SEMA3C: variants seen among roughly 807,000 people sequenced by gnomAD.
The protein encoded by SEMA3C is semaphorin-3C.
Under a neutral mutation model 89.4 loss-of-function variants are expected in SEMA3C, and 47 were observed. The ratio of observed to expected loss-of-function variants is 0.53; its 90% CI spans 0.42 to 0.67. The LOEUF is 0.67. Ranked by LOEUF, SEMA3C falls within the 30% of genes least tolerant of loss-of-function variation. SEMA3C has a pLI of 0.00. For missense variants in SEMA3C, 839 were observed against 929.1 expected (o/e 0.90, Z 1.26); for synonymous variants, 310 against 320.2 (o/e 0.97, Z 0.34).
At chr7:80,783,786 A>G (rs1788741462) in intron 12 of SEMA3C, among the ~76,000 whole-genome samples, 1 of 152,194 alleles carries the variant, frequency 6.6e-6, no homozygotes, top group Admixed American at 6.5e-5. Context: ...TTATTCACAT[A>G]TGTGACACAC....
intron 2 of SEMA3C, among the ~76,000 whole-genome samples, chr7:80,914,375 A>T (rs1792222292): frequency 6.7e-6 from 1 of 150,132 alleles, no homozygotes; most frequent in African/African-American, 2.4e-5. Context: ...AAATAATAAT[A>T]AATTTGAACA....
chr7:80,765,733 C>T (rs931346033), intron 12 of SEMA3C, among the ~76,000 whole-genome samples: 31 of 152,128 alleles, frequency 2.0e-4, no homozygotes, highest in African/African-American at 5.3e-4. Flanking sequence ...CCCGCCACCA[C>T]GCCTGGCTAA....
intron 4 of SEMA3C, among the ~76,000 whole-genome samples, chr7:80,819,764 A>T (rs1296000399): frequency 6.6e-6 from 1 of 152,194 alleles, no homozygotes. Context: ...ACCTTGCTGG[A>T]GCACAGAAAC....
At chr7:80,778,072 A>T (rs1052236974) in intron 12 of SEMA3C, among the ~76,000 whole-genome samples, 1 of 152,190 alleles carries the variant, frequency 6.6e-6, no homozygotes, top group African/African-American at 2.4e-5. Context: ...GGGTTAAAAA[A>T]ACCCCCATAA....
chr7:80,890,560 T>G (rs1383355174), intron 2 of SEMA3C, among the ~76,000 whole-genome samples: 2 of 152,162 alleles, frequency 1.3e-5, no homozygotes, highest in Non-Finnish European at 2.9e-5. Context: ...ACTTTCTACT[T>G]TTTAAATCTA....
chr7:80,834,311 T>C (rs1473924483), intron 2 of SEMA3C, among the ~76,000 whole-genome samples: 1 of 152,172 alleles, frequency 6.6e-6, no homozygotes, highest in Non-Finnish European at 1.5e-5. Flanking sequence ...TAAAATTTGC[T>C]GCACAATATG....
chr7:80,771,736 T>C (rs1332941323), intron 12 of SEMA3C, among the ~76,000 whole-genome samples: 29 of 152,244 alleles, frequency 1.9e-4, no homozygotes, highest in Admixed American at 1.8e-3. Context: ...TGCTTTCCCC[T>C]GCGCTTCTGA....
At chr7:80,830,983 C>G (rs1470912653) in intron 2 of SEMA3C, among the ~76,000 whole-genome samples, 1 of 152,158 alleles carries the variant, frequency 6.6e-6, no homozygotes, top group African/African-American at 2.4e-5. Flanking sequence ...TTGGAGAGGA[C>G]ACAGACTGCC....
At chr7:80,767,226 C>T (rs543881548) in intron 12 of SEMA3C, among the ~76,000 whole-genome samples, 31 of 152,180 alleles carry the variant, frequency 2.0e-4, no homozygotes, top group African/African-American at 7.2e-4. Flanking sequence ...TGCTGCAGAC[C>T]CATACAAATT....
intron 14 of SEMA3C, 128 bp downstream of exon 14, chr7:80,761,488 G>C: frequency 2.0e-6 from 1 of 493,478 alleles, no homozygotes; most frequent in Non-Finnish European, 3.6e-6. Context: ...TGACTTTGCG[G>C]TATACTTTAA....
In SEMA3C at chr7:80,818,427, A is replaced by G; in HGVS notation, c.328-9T>C. On this transcript the variant is annotated splice_polypyrimidine_tract_variant and intron_variant, in intron 4 of 17. Coordinates refer to ENST00000265361, the MANE Select transcript of SEMA3C (RefSeq NM_006379.5). The stretch of plus-strand genomic sequence containing the variant: ...AAGTTCCCACAGCCGTGCTAAAAGA[A>G]TCAGTAAATAAGCAGTTAGTAACTC... The G allele has an allele frequency of 6.2e-7, 1 of 1,610,992 alleles. No homozygotes were observed. The highest frequency in any genetic ancestry group is 8.5e-7 in the Non-Finnish European group (1 of 1,177,538).
At chr7:80,803,966 AATG>A (rs1304942510) in intron 8 of SEMA3C, 137 bp downstream of exon 8, 10 of 727,466 alleles carry the variant, frequency 1.4e-5, no homozygotes, top group Non-Finnish European at 1.6e-5. Context: ...TAAATATAAT[AATG>A]ATGATGAATA....
chr7:80,795,762 C>A (rs1789049538), intron 11 of SEMA3C, among the ~76,000 whole-genome samples: 1 of 152,056 alleles, frequency 6.6e-6, no homozygotes, highest in Non-Finnish European at 1.5e-5. Context: ...GGGTGAAGAG[C>A]CTGATGAGAG....
Position 80,907,588 on chromosome 7 carries a change from G to T in SEMA3C, c.103+9091C>A, listed in dbSNP as rs115427049. ...TTGTTTTTATAAACAATCTATAAGG[G>T]TGGTTCTATTTAATGTCAGATTCCT... On this transcript the variant is annotated intron_variant, in intron 2 of 17. Coordinates refer to ENST00000265361, the MANE Select transcript of SEMA3C (RefSeq NM_006379.5). Among the ~76,000 whole-genome samples the T allele has an allele frequency of 7.0e-3, 1,058 of 152,020 alleles. 14 individuals carry two copies. The highest frequency in any genetic ancestry group is 0.023 in the African/African-American group (972 of 41,476).
At chr7:80,911,797 C>A (rs921321195) in intron 2 of SEMA3C, among the ~76,000 whole-genome samples, 1 of 151,862 alleles carries the variant, frequency 6.6e-6, no homozygotes, top group Non-Finnish European at 1.5e-5. Context: ...CCATGCCTGG[C>A]TAATTTTTTG....
chr7:80,902,239 C>T (rs1214891538), intron 2 of SEMA3C, among the ~76,000 whole-genome samples: 1 of 152,170 alleles, frequency 6.6e-6, no homozygotes, highest in African/African-American at 2.4e-5. Flanking sequence ...AGGTGTGAGT[C>T]ACTGCACCTG....
chr7:80,785,459 A>T (rs1181236032), intron 12 of SEMA3C, among the ~76,000 whole-genome samples: 1 of 152,172 alleles, frequency 6.6e-6, no homozygotes, highest in East Asian at 1.9e-4. Context: ...TAACAGCTGA[A>T]GGGCTGTCTG....
At chr7:80,754,743 G>A (rs1306363067) in intron 15 of SEMA3C, among the ~76,000 whole-genome samples, 2 of 151,826 alleles carry the variant, frequency 1.3e-5, no homozygotes, top group Non-Finnish European at 2.9e-5. Flanking sequence ...CAGAATTAAG[G>A]CACTGCTGGA....
chr7:80,744,718 T>C lies in SEMA3C; in HGVS notation c.*176A>G, dbSNP rs1787759039. ...ATGAGGACCATGACATGTCTAGTGC[T>C]AGTCACTATCATACAAGAAAATGCA... is the stretch of plus-strand genomic sequence containing the variant. On this transcript the variant is annotated 3_prime_UTR_variant, in exon 18 of 18. Transcript: ENST00000265361. 1 of 655,188 alleles carries C rather than the reference T, an allele frequency of 1.5e-6. No homozygotes were observed. The highest frequency in any genetic ancestry group is 1.9e-5 in the South Asian group (1 of 52,730). The allele number at this position is 655,188 out of a possible 1,614,324, so 40.6% of individuals were successfully genotyped here.
Sources: gnomAD v4.1 joint callset for allele counts (sites outside exome capture counted in the v4.1 genomes callset) on GRCh38, gnomAD v4.1.1 for gene constraint, MANE v1.5 for transcripts, NCBI Gene and HGNC (gene_info 2026-07-23, HGNC 2026-07-21) for gene names.